RALB: variants seen among roughly 807,000 people sequenced by gnomAD.
RALB encodes ras-related protein Ral-B.
Under a neutral mutation model 21.3 loss-of-function variants are expected in RALB, and 16 were observed. The ratio of observed to expected loss-of-function variants is 0.75; its 90% CI spans 0.51 to 1.14. The LOEUF (loss-of-function observed/expected upper bound fraction) is 1.14, where lower values mean the gene tolerates loss of function less well. RALB is among the 50% of genes most tolerant of loss of function. The pLI, the probability that RALB is intolerant of heterozygous loss-of-function variation, is 0.00. For synonymous variants in RALB, 93 were observed against 96.1 expected (o/e 0.97, Z 0.19); for missense variants, 161 against 256.2 (o/e 0.63, Z 2.54).
intron 1 of RALB, among the ~76,000 whole-genome samples, chr2:120,266,842 C>T (rs972033743): frequency 2.0e-5 from 3 of 152,192 alleles, no homozygotes; most frequent in Non-Finnish European, 4.4e-5. Flanking sequence ...GTACCAGGCA[C>T]ACTGGGCACA....
intron 1 of RALB, among the ~76,000 whole-genome samples, chr2:120,259,789 C>T (rs1415562620): frequency 1.2e-4 from 18 of 152,338 alleles, no homozygotes; most frequent in South Asian, 4.1e-4. Flanking sequence ...GACTGGGCGC[C>T]GTGGAGCAGG....
chr2:120,288,569 CTT>C (rs1350775257), intron 3 of RALB, among the ~76,000 whole-genome samples: 2 of 151,860 alleles, frequency 1.3e-5, no homozygotes, highest in Non-Finnish European at 2.9e-5. Context: ...GAAGGGGACT[CTT>C]TTTAGAATGT....
upstream of RALB, among the ~76,000 whole-genome samples, chr2:120,247,898 G>C (rs918253646): frequency 1.3e-5 from 2 of 152,204 alleles, no homozygotes; most frequent in Non-Finnish European, 2.9e-5. Flanking sequence ...ACCTCCCACA[G>C]CCTGGAACTT....
At chr2:120,286,225 T>C (rs1690130757) in intron 3 of RALB, 143 bp downstream of exon 3, 1 of 658,534 alleles carries the variant, frequency 1.5e-6, no homozygotes, top group East Asian at 2.7e-5. Flanking sequence ...TAAAGAATCT[T>C]CTGGGGCTTT....
chr2:120,259,576 A>G (rs537104778), intron 1 of RALB, among the ~76,000 whole-genome samples: 2 of 152,310 alleles, frequency 1.3e-5, no homozygotes, highest in Admixed American at 1.3e-4. Context: ...CGATTGGTGC[A>G]CTCACAAACC....
chr2:120,240,594 T>C (rs1688878038), intron 1 of RALB, among the ~76,000 whole-genome samples: 1 of 152,146 alleles, frequency 6.6e-6, no homozygotes, highest in African/African-American at 2.4e-5. Context: ...CCACCGCACC[T>C]GGCAGGAGCT....
intron 1 of RALB, among the ~76,000 whole-genome samples, chr2:120,278,123 G>A (rs1689889063): frequency 6.6e-6 from 1 of 151,692 alleles, no homozygotes; most frequent in Non-Finnish European, 1.5e-5. Flanking sequence ...CCGTTTGTGA[G>A]TGTGAATGTG....
At chr2:120,279,623 G>C (rs1007989724) in intron 2 of RALB, among the ~76,000 whole-genome samples, 4 of 152,130 alleles carry the variant, frequency 2.6e-5, no homozygotes, top group African/African-American at 9.7e-5. Flanking sequence ...TAAAGGACTT[G>C]AGCATCTGCA....
intron 1 of RALB, among the ~76,000 whole-genome samples, chr2:120,271,198 A>G (rs147986776): frequency 6.6e-6 from 1 of 152,370 alleles, no homozygotes; most frequent in Non-Finnish European, 1.5e-5. Flanking sequence ...TAACGCTAGT[A>G]GAAACCACCT....
chr2:120,278,025 GA>G (rs1307075442), intron 1 of RALB, among the ~76,000 whole-genome samples: 1 of 93,144 alleles, frequency 1.1e-5, no homozygotes, highest in African/African-American at 4.8e-5. Context: ...GTGTGAATGT[GA>G]ATGTGAGAGC....
Position 120,286,041 on chromosome 2 carries a change from A to G in RALB, c.282A>G (p.Ser94=). Reference sequence around the variant, plus strand: ...GGGAAGGGTTTCTTCTTGTGTTCTCAATCACAGAACATGAATCCTTTACAG... The same window carrying G: ...GGGAAGGGTTTCTTCTTGTGTTCTCGATCACAGAACATGAATCCTTTACAG... ...RSGEGFLLVF[S]ITEHESFTAT... The change falls in exon 3 of 5, where the codon TCA becomes TCG. Residue 94 remains serine, a synonymous_variant. Transcript: ENST00000272519. 6.2e-7 allele frequency: 1 copy of G among 1,614,054 alleles called. No individual in the cohort carries two copies. Among genetic ancestry groups the G allele is most frequent in the Non-Finnish European group, 8.5e-7 (1 of 1,180,006 alleles).
intron 1 of RALB, among the ~76,000 whole-genome samples, chr2:120,240,935 G>C (rs898316122): frequency 6.6e-6 from 1 of 152,148 alleles, no homozygotes; most frequent in Non-Finnish European, 1.5e-5. Flanking sequence ...TTGGGGGACC[G>C]GAGGCCTACT....
intron 1 of RALB, among the ~76,000 whole-genome samples, chr2:120,277,369 G>C (rs1366484897): frequency 6.6e-6 from 1 of 151,782 alleles, no homozygotes; most frequent in Non-Finnish European, 1.5e-5. Context: ...GAGAGCATGT[G>C]TGTGGTGGCG....
At chr2:120,245,912 G>A (rs969568715) in intron 1 of RALB, among the ~76,000 whole-genome samples, 2 of 152,166 alleles carry the variant, frequency 1.3e-5, no homozygotes, top group Non-Finnish European at 2.9e-5. Context: ...ATTAAAACCC[G>A]ATAGAAAATA....
intron 1 of RALB, among the ~76,000 whole-genome samples, chr2:120,246,667 G>T (rs940138235): frequency 3.9e-5 from 6 of 152,356 alleles, no homozygotes; most frequent in Non-Finnish European, 5.9e-5. Context: ...GGATCCGCCT[G>T]GGTGCGGTCA....
At chr2:120,259,132 G>A (rs1238382695) in intron 1 of RALB, among the ~76,000 whole-genome samples, 9 of 152,200 alleles carry the variant, frequency 5.9e-5, no homozygotes, top group Non-Finnish European at 1.0e-4. Flanking sequence ...TAAAAGCAGC[G>A]TGGACCCAAA....
intron 1 of RALB, among the ~76,000 whole-genome samples, chr2:120,274,870 G>A (rs995075697): frequency 2.0e-5 from 3 of 152,076 alleles, no homozygotes; most frequent in African/African-American, 7.2e-5. Flanking sequence ...TGCCTGAAGA[G>A]TCCTGCTTGT....
intron 1 of RALB, among the ~76,000 whole-genome samples, chr2:120,240,678 C>A (rs1221122562): frequency 6.6e-6 from 1 of 152,148 alleles, no homozygotes; most frequent in Non-Finnish European, 1.5e-5. Flanking sequence ...AATGGCAGGC[C>A]TACACAGGCC....
upstream of RALB, among the ~76,000 whole-genome samples, chr2:120,248,452 G>T (rs550740046): frequency 1.1e-4 from 17 of 152,246 alleles, no homozygotes; most frequent in African/African-American, 4.1e-4. Context: ...TTCCTCTGGG[G>T]TTTGGCAGGA....
Sources: allele counts gnomAD v4.1 joint callset (sites outside exome capture counted in the v4.1 genomes callset), GRCh38; gene constraint gnomAD v4.1.1; transcripts MANE v1.5; gene names NCBI Gene and HGNC (gene_info 2026-07-23, HGNC 2026-07-21).